Variants in MSH4 observed in about 807,000 individuals in gnomAD.
MSH4 encodes mutS protein homolog 4.
Under a neutral mutation model 113.7 loss-of-function variants are expected in MSH4, and 106 were observed. That is an observed-to-expected ratio of 0.93 (90% confidence interval 0.80 to 1.10). MSH4 has a LOEUF of 1.10. Among genes scored for constraint, MSH4 ranks in the 50% least tolerant of loss-of-function variants. The pLI, the probability that MSH4 is intolerant of heterozygous loss-of-function variation, is 0.00. For synonymous variants in MSH4, 368 were observed against 380.2 expected, an observed-to-expected ratio of 0.97 and a Z score of 0.37; for missense variants, 1,061 against 1,093.7, an observed-to-expected ratio of 0.97 and a Z score of 0.42.
chr1:75,875,607 T>C (rs540558782), intron 9 of MSH4, among the ~76,000 whole-genome samples: 6 of 152,230 alleles, frequency 3.9e-5, no homozygotes, highest in African/African-American at 1.4e-4. Context: ...CCTTAACTGT[T>C]TCTGATGTTT....
At chr1:75,842,860 C>T (rs974583305) in intron 7 of MSH4, among the ~76,000 whole-genome samples, 4 of 152,146 alleles carry the variant, frequency 2.6e-5, no homozygotes, top group Admixed American at 6.5e-5. Flanking sequence ...TACTCCTCCA[C>T]CTCTTGTGGA....
chr1:75,803,390 A>G (rs1649981479), intron 1 of MSH4, among the ~76,000 whole-genome samples: 1 of 152,092 alleles, frequency 6.6e-6, no homozygotes, highest in East Asian at 1.9e-4. Flanking sequence ...AGGCCGAGGC[A>G]GGCAGATCAT....
At position 75,816,388 on chromosome 1, in the gene MSH4, AGCTGTT is replaced by A; in HGVS notation, c.834_839del (p.Val279_Ala280del). 1 of 1,603,126 alleles carries A rather than the reference AGCTGTT, an allele frequency of 6.2e-7. No homozygotes were observed. The highest frequency in any genetic ancestry group is 1.3e-5 in the African/African-American group (1 of 74,946). On this transcript the variant is annotated inframe_deletion, in exon 6 of 20. Coordinates refer to ENST00000263187, the MANE Select transcript of MSH4 (RefSeq NM_002440.4). ...CATCTTTTAGGTATTACTGCCTTGC[AGCTGTT>A]GCAGCTTTGTTAAAATATGTTGAAT...
chr1:75,887,638 A>T (rs1429056849), intron 15 of MSH4, among the ~76,000 whole-genome samples: 1 of 152,164 alleles, frequency 6.6e-6, no homozygotes, highest in East Asian at 1.9e-4. Flanking sequence ...ATTGAGAAGG[A>T]ATTTGTCCAA....
At chr1:75,852,644 C>T (rs1440811264) in intron 8 of MSH4, among the ~76,000 whole-genome samples, 1 of 152,000 alleles carries the variant, frequency 6.6e-6, no homozygotes, top group Non-Finnish European at 1.5e-5. Flanking sequence ...TTTTTACATG[C>T]TTATTGGCCA....
chr1:75,874,863 A>G (rs1421162254), intron 9 of MSH4, among the ~76,000 whole-genome samples: 1 of 152,148 alleles, frequency 6.6e-6, no homozygotes, highest in Non-Finnish European at 1.5e-5. Context: ...TCTGTCAGTA[A>G]GCTGGAAGAA....
At chr1:75,814,174 G>A (rs978192707) in intron 4 of MSH4, among the ~76,000 whole-genome samples, 5 of 151,342 alleles carry the variant, frequency 3.3e-5, no homozygotes, top group Non-Finnish European at 7.4e-5. Context: ...ATTATCAACC[G>A]GGTGCTGATG....
intron 7 of MSH4, among the ~76,000 whole-genome samples, chr1:75,842,719 C>T (rs530330471): frequency 2.6e-5 from 4 of 152,264 alleles, no homozygotes; most frequent in East Asian, 3.9e-4. Context: ...GTAATGCCAG[C>T]GTCTGGGAGG....
In MSH4 at chr1:75,877,017, C is replaced by A; in HGVS notation, c.1370+17C>A. Reference sequence around the variant, plus strand: ...AGACAAGAGGTCTTTGTCACTCAACCGTTAATAAAAAATAAGATTATTCTC... The same window carrying A: ...AGACAAGAGGTCTTTGTCACTCAACAGTTAATAAAAAATAAGATTATTCTC... On this transcript the variant is annotated intron_variant, in intron 10 of 19. Coordinates refer to ENST00000263187, the MANE Select transcript of MSH4 (RefSeq NM_002440.4). 2 of 1,473,850 alleles carry A rather than the reference C, an allele frequency of 1.4e-6. No individual in the cohort carries two copies. The highest frequency in any genetic ancestry group is 1.4e-5 in the South Asian group (1 of 73,182). 91.3% of individuals were successfully genotyped at this position (1,473,850 alleles called of 1,614,324 possible). A position where few individuals can be genotyped will look rare whatever the true frequency, so the allele number is the denominator to read the frequency against.
intron 7 of MSH4, among the ~76,000 whole-genome samples, chr1:75,833,356 C>T (rs979456007): frequency 6.6e-6 from 1 of 152,210 alleles, no homozygotes; most frequent in Non-Finnish European, 1.5e-5. Context: ...AATTGCCATA[C>T]TGCCCAAGGT....
chr1:75,800,803 G>T (rs961362), intron 1 of MSH4, among the ~76,000 whole-genome samples: 6,645 of 152,252 alleles, frequency 0.044, 483 homozygotes, highest in African/African-American at 0.15. Context: ...ATGCCCAAGA[G>T]ATAGATATAG....
intron 14 of MSH4, among the ~76,000 whole-genome samples, chr1:75,882,668 A>T (rs947694110): frequency 3.8e-5 from 3 of 79,118 alleles, no homozygotes; most frequent in Non-Finnish European, 8.6e-5. Flanking sequence ...ATTTCTAAAA[A>T]AAAAAAAAAA....
intron 15 of MSH4, among the ~76,000 whole-genome samples, chr1:75,887,953 A>G (rs1028905023): frequency 6.6e-6 from 1 of 151,586 alleles, no homozygotes; most frequent in Admixed American, 6.6e-5. Context: ...AAACAAGCAA[A>G]AAAATAGAGT....
intron 8 of MSH4, among the ~76,000 whole-genome samples, chr1:75,851,017 A>G (rs1250187668): frequency 7.9e-5 from 12 of 152,108 alleles, no homozygotes; most frequent in Non-Finnish European, 1.5e-5. Context: ...TCTTTTGGTT[A>G]GTGTTGCCAT....
intron 19 of MSH4, among the ~76,000 whole-genome samples, chr1:75,909,805 C>T (rs1279442644): frequency 1.3e-5 from 2 of 152,062 alleles, no homozygotes; most frequent in Admixed American, 6.6e-5. Context: ...CTGCCTCCTA[C>T]TTTTTAACAA....
Position 75,868,631 on chromosome 1 carries a change from C to T in MSH4, c.1305+1043C>T, listed in dbSNP as rs72983225. Among the ~76,000 whole-genome samples the T allele has an allele frequency of 5.4e-3, 830 of 152,326 alleles. 3 individuals are homozygous for T. The highest frequency in any genetic ancestry group is 0.019 in the African/African-American group (799 of 41,592). ...TCACCTTAAATTGTAAGAATCCCCA[C>T]ATTTCAAGGGCGGGGACTGGTGGAG... On this transcript the variant is annotated intron_variant, in intron 9 of 19. Transcript: ENST00000263187.
chr1:75,817,390 A>G (rs993864102), intron 6 of MSH4, among the ~76,000 whole-genome samples: 3 of 152,264 alleles, frequency 2.0e-5, no homozygotes, highest in Non-Finnish European at 2.9e-5. Context: ...TTGACTTTCT[A>G]TGATATCCTA....
intron 7 of MSH4, among the ~76,000 whole-genome samples, chr1:75,831,186 C>T (rs957534576): frequency 2.0e-5 from 3 of 152,050 alleles, no homozygotes; most frequent in Non-Finnish European, 2.9e-5. Flanking sequence ...TCAAAAGAGA[C>T]AAAGAAGGCC....
intron 15 of MSH4, among the ~76,000 whole-genome samples, chr1:75,886,416 G>A (rs189822838): frequency 0.018 from 304 of 16,466 alleles, 112 homozygotes; most frequent in East Asian, 0.036. Flanking sequence ...ATTATATATG[G>A]TATATATGAT....
Sources: gnomAD v4.1 joint callset for allele counts (sites outside exome capture counted in the v4.1 genomes callset) on GRCh38, gnomAD v4.1.1 for gene constraint, MANE v1.5 for transcripts, NCBI Gene and HGNC (gene_info 2026-07-23, HGNC 2026-07-21) for gene names.